ELFN1: variants seen among roughly 807,000 people sequenced by gnomAD.
ELFN1 encodes protein ELFN1.
ELFN1 carries 6 observed loss-of-function variants against 7.6 expected under a neutral mutation model. The ratio of observed to expected loss-of-function variants is 0.79; its 90% CI spans 0.43 to 1.56. The LOEUF is 1.56. Ranked by LOEUF, ELFN1 falls within the 40% of genes most tolerant of loss-of-function variation. The pLI, the probability that ELFN1 is intolerant of heterozygous loss-of-function variation, is 0.01. For missense variants in ELFN1, 1,169 were observed against 1,232.2 expected, an observed-to-expected ratio of 0.95 and a Z score of 0.77; for synonymous variants, 657 against 588.1, an observed-to-expected ratio of 1.12 and a Z score of -1.70.
intron 3 of ELFN1, among the ~76,000 whole-genome samples, chr7:1,736,058 C>T (rs1780432495): frequency 6.6e-6 from 1 of 152,184 alleles, no homozygotes. Context: ...CCTAGCTGGG[C>T]CGGGTCACCG....
intron 2 of ELFN1, among the ~76,000 whole-genome samples, chr7:1,697,158 G>T (rs751196558): frequency 6.6e-6 from 1 of 152,190 alleles, no homozygotes; most frequent in Non-Finnish European, 1.5e-5. Context: ...ATGGCAACTT[G>T]TGCCTCCCCA....
rs1172148700 is a variant in ELFN1, at chr7:1,671,167, A to ACCG, written c.-549+816_-549+818dup. Reference sequence around the variant, plus strand: ...GGGGGCACTGCCTGCCGTACCGCACACCGCCCCCCCCCCCATAAAAACGAC... The same window carrying ACCG: ...GGGGGCACTGCCTGCCGTACCGCACACCGCCGCCCCCCCCCCCATAAAAACGAC... On this transcript the variant is annotated intron_variant, in intron 1 of 3. Transcript: ENST00000424383. Among the ~76,000 whole-genome samples the ACCG allele has an allele frequency of 1.5e-3, 159 of 104,342 alleles. 1 individual carries two copies. The highest frequency in any genetic ancestry group is 2.9e-3 in the Admixed American group (30 of 10,402). 68.5% of individuals were successfully genotyped at this position (104,342 alleles called of 152,430 possible). A position where few individuals can be genotyped will look rare whatever the true frequency, so the allele number is the denominator to read the frequency against.
At chr7:1,723,492 G>GT (rs1321053108) in intron 3 of ELFN1, among the ~76,000 whole-genome samples, 1 of 152,220 alleles carries the variant, frequency 6.6e-6, no homozygotes, top group East Asian at 1.9e-4. Flanking sequence ...ATGGCTCTGT[G>GT]GTTCCTTCTT....
At chr7:1,714,726 AGT>A (rs1457627697) in intron 3 of ELFN1, among the ~76,000 whole-genome samples, 2 of 152,218 alleles carry the variant, frequency 1.3e-5, no homozygotes, top group East Asian at 3.8e-4. Context: ...TGTAATCAAG[AGT>A]TTTAAAGTGA....
At chr7:1,728,509 C>G (rs924962709) in intron 3 of ELFN1, among the ~76,000 whole-genome samples, 4 of 152,244 alleles carry the variant, frequency 2.6e-5, no homozygotes, top group African/African-American at 9.6e-5. Context: ...GGCCACCTTC[C>G]CTCACAGAAA....
At chr7:1,734,810 G>A (rs1266068029) in intron 3 of ELFN1, among the ~76,000 whole-genome samples, 2 of 151,716 alleles carry the variant, frequency 1.3e-5, no homozygotes, top group African/African-American at 4.8e-5. Context: ...GGATCCTCCT[G>A]CCTCAGCCTC....
Position 1,709,888 on chromosome 7 carries a change from G to T in ELFN1, c.-294+636G>T, listed in dbSNP as rs764701753. On this transcript the variant is annotated intron_variant, in intron 3 of 3. Coordinates refer to ENST00000424383, the MANE Select transcript of ELFN1 (RefSeq NM_001128636.4). ...AGGTAGCTGGACAAGTTCTTTTTCT[G>T]CAGCATTTTTCAGAAATAGCAGATA... is the stretch of plus-strand genomic sequence containing the variant. Among the ~76,000 whole-genome samples the T allele has an allele frequency of 5.9e-5, 9 of 152,310 alleles. No homozygotes were observed. The Middle Eastern group carries it at 0.01, about 173-fold the overall frequency.
In ELFN1 at chr7:1,746,223, C is replaced by T. The variant is rs746366286; in HGVS notation, c.1627C>T (p.Arg543Trp). 19 of 1,558,584 alleles carry T rather than the reference C, an allele frequency of 1.2e-5. No homozygotes were observed. The highest frequency in any genetic ancestry group is 7.1e-5 in the South Asian group (6 of 84,466). The change falls in exon 4 of 4, where the codon CGG (arginine) becomes TGG (tryptophan). Residue 543 changes from arginine (R) to tryptophan (W), a missense_variant. Physicochemically the swap from Arg to Trp is moderately radical, Grantham distance 101 (BLOSUM62 -3). Coordinates refer to ENST00000424383, the MANE Select transcript of ELFN1 (RefSeq NM_001128636.4). Reference sequence around the variant, plus strand: ...GGAACGCAGGGACTGTGAGCTGGGCCGGCCGGGCCCCGACAGCCAGAGTTC... The same window carrying T: ...GGAACGCAGGGACTGTGAGCTGGGCTGGCCGGGCCCCGACAGCCAGAGTTC... ...PPERRDCELG[R>W]PGPDSQSSVA...
upstream of ELFN1, among the ~76,000 whole-genome samples, chr7:1,667,143 T>C (rs1345407079): frequency 6.6e-6 from 1 of 151,554 alleles, no homozygotes; most frequent in Non-Finnish European, 1.5e-5. The surrounding 1 kb of genome is among the most constrained non-coding windows in gnomAD (Gnocchi z 8.2). Flanking sequence ...CCCCGAACTT[T>C]TTCTCTTCCC....
intron 3 of ELFN1, among the ~76,000 whole-genome samples, chr7:1,723,403 C>G (rs1009751014): frequency 6.6e-6 from 1 of 152,186 alleles, no homozygotes; most frequent in Non-Finnish European, 1.5e-5. Flanking sequence ...TTGGATATGG[C>G]GTGTGGTACA....
At chr7:1,702,163 G>A (rs1297615448) in intron 2 of ELFN1, among the ~76,000 whole-genome samples, 2 of 152,134 alleles carry the variant, frequency 1.3e-5, no homozygotes, top group African/African-American at 4.8e-5. Context: ...AGTGGCTCAC[G>A]CTTGTAATCC....
Position 1,747,130 on chromosome 7 carries a change from T to A in ELFN1, c.*47T>A, listed in dbSNP as rs1780827232. On this transcript the variant is annotated 3_prime_UTR_variant, in exon 4 of 4. Coordinates refer to ENST00000424383, the MANE Select transcript of ELFN1 (RefSeq NM_001128636.4). Reference sequence around the variant, plus strand: ...CCACTGGACCAAAAAGGATGCAGGATCCACCCAGAGACTCAGCACCAAACC... The same window carrying A: ...CCACTGGACCAAAAAGGATGCAGGAACCACCCAGAGACTCAGCACCAAACC... The A allele has an allele frequency of 7.0e-7, 1 of 1,432,424 alleles. No homozygotes were observed. Among genetic ancestry groups the A allele is most frequent in the Middle Eastern group, 1.8e-4 (1 of 5,474 alleles). The allele number at this position is 1,432,424 out of a possible 1,614,324, so 88.7% of individuals were successfully genotyped here.
chr7:1,703,329 C>T (rs1380017130), intron 2 of ELFN1, among the ~76,000 whole-genome samples: 1 of 152,194 alleles, frequency 6.6e-6, no homozygotes, highest in African/African-American at 2.4e-5. Context: ...TCCCTCTCTG[C>T]TATACAGCTT....
intron 1 of ELFN1, among the ~76,000 whole-genome samples, chr7:1,681,477 C>T (rs1045731180): frequency 2.0e-5 from 3 of 152,160 alleles, no homozygotes; most frequent in Non-Finnish European, 4.4e-5. Context: ...ATTCTCCTGC[C>T]TCAGCCTCCC....
chr7:1,706,309 G>C (rs1305955565), intron 2 of ELFN1, among the ~76,000 whole-genome samples: 15 of 152,218 alleles, frequency 9.9e-5, no homozygotes, highest in Admixed American at 9.8e-4. Context: ...TGTGATCCCA[G>C]CTACTGGGGA....
Position 1,742,542 on chromosome 7 carries a change from C to T in ELFN1, c.-293-1762C>T, listed in dbSNP as rs149103656. On this transcript the variant is annotated intron_variant, in intron 3 of 3. Coordinates refer to ENST00000424383, the MANE Select transcript of ELFN1 (RefSeq NM_001128636.4). Reference sequence around the variant, plus strand: ...CACGGCATGATGGTGACCAAGACAGCGCTGACTCCCGTGATGGTGGATTTC... The same window carrying T: ...CACGGCATGATGGTGACCAAGACAGTGCTGACTCCCGTGATGGTGGATTTC... Among the ~76,000 whole-genome samples, 106 of 152,340 alleles carry T rather than the reference C, an allele frequency of 7.0e-4. 2 individuals carry two copies. The East Asian group carries it at 0.02, about 29-fold the overall frequency.
intron 2 of ELFN1, among the ~76,000 whole-genome samples, chr7:1,701,584 A>G (rs1768729531): frequency 6.6e-6 from 1 of 151,248 alleles, no homozygotes; most frequent in South Asian, 2.1e-4. Context: ...CTGAGGTGGG[A>G]GGACTGCTTG....
intron 3 of ELFN1, among the ~76,000 whole-genome samples, chr7:1,743,911 C>G (rs1375575887): frequency 6.6e-6 from 1 of 152,200 alleles, no homozygotes; most frequent in Non-Finnish European, 1.5e-5. Flanking sequence ...GTCCCAGTCC[C>G]CTGCCTCAGT....
rs1780707537 is a variant in ELFN1, at chr7:1,744,162, G to C, written c.-293-142G>C. 5 of 177,414 alleles carry C rather than the reference G, an allele frequency of 2.8e-5. No homozygotes were observed. The South Asian group carries it at 9.2e-4, about 33-fold the overall frequency. The allele number at this position is 177,414 out of a possible 1,614,324, so 11.0% of individuals were successfully genotyped here. A position where few individuals can be genotyped will look rare whatever the true frequency, so the allele number is the denominator to read the frequency against. ...AGGAAGGAGCTTCTGTTTTTTCTGT[G>C]TTTTACAGAAGAGATTCAGGGGGCT... On this transcript the variant is annotated intron_variant, in intron 3 of 3. Transcript: ENST00000424383.
Sources: allele counts gnomAD v4.1 joint callset (sites outside exome capture counted in the v4.1 genomes callset), GRCh38; gene constraint gnomAD v4.1.1; non-coding constraint Gnocchi (gnomAD v3.1); transcripts MANE v1.5; gene names NCBI Gene and HGNC (gene_info 2026-07-23, HGNC 2026-07-21).